C5: variants seen among roughly 807,000 people sequenced by gnomAD.
C5 encodes the protein complement C5.
C5 carries 140 observed loss-of-function variants against 218.8 expected under a neutral mutation model. The ratio of observed to expected loss-of-function variants is 0.64; its 90% CI spans 0.56 to 0.74. The LOEUF is 0.74. Among genes scored for constraint, C5 ranks in the 30% least tolerant of loss-of-function variants. C5 has a pLI of 0.00. For missense variants in C5, 1,700 were observed against 1,969.6 expected (o/e 0.86, Z 2.59); for synonymous variants, 614 against 682.3 (o/e 0.90, Z 1.56).
intron 31 of C5, among the ~76,000 whole-genome samples, chr9:120,971,068 A>G (rs2046908645): frequency 6.6e-6 from 1 of 150,410 alleles, no homozygotes; most frequent in African/African-American, 2.4e-5. Flanking sequence ...CCTACTTGGG[A>G]GGCTGAGGCA....
chr9:121,042,795 T>G (rs1248621178), intron 3 of C5, among the ~76,000 whole-genome samples: 1 of 152,222 alleles, frequency 6.6e-6, no homozygotes, highest in African/African-American at 2.4e-5. Context: ...ATTGTTGGTT[T>G]TGTAATTTAT....
rs772258521 is a variant in C5, at chr9:121,020,012, G to A, written c.1470C>T (p.Ser490=). The A allele has an allele frequency of 1.9e-6, 3 of 1,610,134 alleles. No homozygotes were observed. The highest frequency in any genetic ancestry group is 1.7e-6 in the Non-Finnish European group (2 of 1,176,678). ...AGTGAGTTATTTTGTCAATATATGGGCTTTTGGGGGTAACAATAATATTCA... is the reference window on the plus strand; with the variant it reads ...AGTGAGTTATTTTGTCAATATATGGACTTTTGGGGGTAACAATAATATTCA... ...EHLNIIVTPK[S]PYIDKITHYN... The change falls in exon 12 of 41, where the codon AGC becomes AGT. Residue 490 remains serine (S), a synonymous_variant. Coordinates refer to ENST00000223642, the MANE Select transcript of C5 (RefSeq NM_001735.3).
Position 120,952,640 on chromosome 9 carries a change from A to C in C5, c.*99T>G. 8.4e-7 allele frequency: 1 copy of C among 1,195,574 alleles called. No homozygotes were observed. Among genetic ancestry groups the C allele is most frequent in the Non-Finnish European group, 1.2e-6 (1 of 821,268 alleles). 74.1% of individuals were successfully genotyped at this position (1,195,574 alleles called of 1,614,324 possible). The stretch of plus-strand genomic sequence containing the variant: ...AAGTAAAGTGAGCTTTACAAATAAG[A>C]CCAGCTATGAATGTTTAAAAAAAGA... On this transcript the variant is annotated 3_prime_UTR_variant, in exon 41 of 41. Coordinates refer to ENST00000223642, the MANE Select transcript of C5 (RefSeq NM_001735.3).
chr9:120,953,972 G>T, intron 39 of C5, 104 bp from the exon 40 acceptor site: 1 of 1,184,274 alleles, frequency 8.4e-7, no homozygotes, highest in Non-Finnish European at 1.3e-6. Flanking sequence ...AGAGGTTCAT[G>T]GCTAGTGGAC....
At chr9:121,027,419 C>T (rs1338425755) in intron 7 of C5, 145 bp from the exon 8 acceptor site, 1 of 613,722 alleles carries the variant, frequency 1.6e-6, no homozygotes, top group Admixed American at 2.4e-5. Flanking sequence ...AAGCTGGAGG[C>T]ATCATGCTAC....
the C5 span, among the ~76,000 whole-genome samples, chr9:121,072,812 T>TAAAAA: frequency 7.8e-4 from 77 of 98,420 alleles, no homozygotes; most frequent in Non-Finnish European, 9.7e-4. Flanking sequence ...TTCAAAAAAT[T>TAAAAA]AAAAAAAAAA....
intron 37 of C5, 50 bp from the exon 38 acceptor site, chr9:120,960,387 C>T: frequency 8.2e-7 from 1 of 1,224,806 alleles, no homozygotes; most frequent in South Asian, 1.2e-5. Flanking sequence ...AAGAAGTAGA[C>T]ACTCTTTCCA....
intron 33 of C5, among the ~76,000 whole-genome samples, chr9:120,964,957 G>C (rs560493363): frequency 1.8e-4 from 27 of 152,334 alleles, no homozygotes; most frequent in African/African-American, 6.3e-4. Flanking sequence ...GCGGGGCTGA[G>C]GCTGGGGCAG....
At chr9:121,070,673 T>C in the C5 span, among the ~76,000 whole-genome samples, 3 of 151,494 alleles carry the variant, frequency 2.0e-5, no homozygotes, top group Non-Finnish European at 4.4e-5. Flanking sequence ...AGCTGAAAAA[T>C]GTTGATCTCA....
At chr9:120,996,442 G>C (rs1433786937) in intron 21 of C5, 142 bp from the exon 22 acceptor site, 5 of 721,846 alleles carry the variant, frequency 6.9e-6, no homozygotes, top group Non-Finnish European at 1.2e-5. Flanking sequence ...TACTTACATG[G>C]ATATAAGCAG....
chr9:120,965,478 C>CTG, intron 33 of C5, among the ~76,000 whole-genome samples: 1 of 151,794 alleles, frequency 6.6e-6, no homozygotes. Flanking sequence ...TGAGATCGCA[C>CTG]CACTGCACTC....
At chr9:120,994,935 A>G (rs1353261471) in intron 22 of C5, among the ~76,000 whole-genome samples, 7 of 152,172 alleles carry the variant, frequency 4.6e-5, no homozygotes, top group African/African-American at 9.6e-5. Context: ...AAAAAAAAAA[A>G]AAAGAAAGAG....
Position 120,971,925 on chromosome 9 carries a change from C to G in C5, c.4080+5G>C, listed in dbSNP as rs1485576361. The G allele has an allele frequency of 1.2e-6, 2 of 1,603,640 alleles. No homozygotes were observed. Among genetic ancestry groups the G allele is most frequent in the South Asian group, 2.2e-5 (2 of 90,910 alleles). ...CTCGTTATTGGATATCAATTAAATA[C>G]TTACATGTACTGTAGCCAAGCCACT... On this transcript the variant is annotated splice_donor_5th_base_variant and intron_variant, in intron 31 of 40. Transcript: ENST00000223642.
At chr9:120,979,962 T>C (rs1413176406) in intron 28 of C5, 121 bp downstream of exon 28, 1 of 804,978 alleles carries the variant, frequency 1.2e-6, no homozygotes, top group Non-Finnish European at 2.2e-6. Context: ...TGTGACGGTT[T>C]GTTCCTTGAG....
In C5 at chr9:121,021,524, C is replaced by T. The variant is rs145139701; in HGVS notation, c.1287G>A (p.Thr429=). 280 of 1,612,930 alleles carry T rather than the reference C, an allele frequency of 1.7e-4. No individual in the cohort carries two copies. The African/African-American group carries it at 3.0e-3, about 17-fold the overall frequency. Residue 429 remains threonine (T), a synonymous_variant, in exon 11 of 41, where the codon ACG becomes ACA. Transcript: ENST00000223642. ...SFVLNLPSGV[T]VLEFNVKTDA... is the part of the protein sequence containing the mutation. ...TTCAGCTCACATTAAACTCCAGCAC[C>T]GTCACTCCAGATGGGAGATTAAGCA... is the stretch of plus-strand genomic sequence containing the variant.
chr9:120,974,934 G>A lies in C5; in HGVS notation c.3865-3C>T. ...CCCTCAATGGCATTGATTGTGTCCT[G>A]TCAGCAATCAGCAAGGCACAAAAAT... On this transcript the variant is annotated splice_region_variant and splice_polypyrimidine_tract_variant and intron_variant, in intron 29 of 40. Coordinates refer to ENST00000223642, the MANE Select transcript of C5 (RefSeq NM_001735.3). 1.2e-6 allele frequency: 2 copies of A among 1,614,148 alleles called. No individual in the cohort carries two copies. The highest frequency in any genetic ancestry group is 1.1e-5 in the South Asian group (1 of 91,082).
At chr9:121,026,826 A>G (rs1019849498) in intron 8 of C5, among the ~76,000 whole-genome samples, 7 of 152,112 alleles carry the variant, frequency 4.6e-5, no homozygotes, top group African/African-American at 1.7e-4. Context: ...CCAGGCAAAG[A>G]AGGGGCAGGA....
chr9:121,000,419 C>T (rs1230826694), intron 20 of C5, among the ~76,000 whole-genome samples: 1 of 152,090 alleles, frequency 6.6e-6, no homozygotes, highest in Non-Finnish European at 1.5e-5. Flanking sequence ...AACCACAAAT[C>T]TATGGTACTT....
chr9:121,058,745 G>T, the C5 span, among the ~76,000 whole-genome samples: 1 of 152,106 alleles, frequency 6.6e-6, no homozygotes, highest in Non-Finnish European at 1.5e-5. Flanking sequence ...GGCCTTTTTT[G>T]TCTGTAACTA....
Sources: allele counts gnomAD v4.1 joint callset (sites outside exome capture counted in the v4.1 genomes callset), GRCh38; gene constraint gnomAD v4.1.1; transcripts MANE v1.5; gene names NCBI Gene and HGNC (gene_info 2026-07-23, HGNC 2026-07-21).